Variants in TPD52 observed in about 807,000 individuals in gnomAD.
TPD52 encodes the protein prostate and colon associated protein.
TPD52 carries 17 observed loss-of-function variants against 31.3 expected under a neutral mutation model. The observed-to-expected ratio is 0.54, with a 90% CI of 0.37 to 0.82. TPD52 has a LOEUF of 0.82. Ranked by LOEUF, TPD52 falls within the 40% of genes least tolerant of loss-of-function variation. The probability of loss-of-function intolerance (pLI) is 0.00; values close to 1 mark genes in which losing one functional copy is unlikely to be tolerated. For missense variants in TPD52, 212 were observed against 240.1 expected, an observed-to-expected ratio of 0.88 and a Z score of 0.77; for synonymous variants, 83 against 89.6, an observed-to-expected ratio of 0.93 and a Z score of 0.42.
intron 1 of TPD52, among the ~76,000 whole-genome samples, chr8:80,148,545 C>T (rs535540890): frequency 6.6e-5 from 10 of 152,278 alleles, no homozygotes; most frequent in Admixed American, 5.2e-4. Flanking sequence ...CATAAAACAA[C>T]AGTTTTAAAG....
At chr8:80,132,549 T>C (rs943888759) in intron 1 of TPD52, among the ~76,000 whole-genome samples, 4 of 152,212 alleles carry the variant, frequency 2.6e-5, no homozygotes, top group Non-Finnish European at 5.9e-5. Flanking sequence ...TTAACTTTTC[T>C]ATGTTTGCAA....
chr8:80,146,395 A>G (rs1249361201), intron 1 of TPD52, among the ~76,000 whole-genome samples: 1 of 152,226 alleles, frequency 6.6e-6, no homozygotes, highest in Non-Finnish European at 1.5e-5. Context: ...TAGCAGCCCA[A>G]AGCCCATTTC....
intron 1 of TPD52, among the ~76,000 whole-genome samples, chr8:80,161,712 TTA>T (rs1319779195): frequency 4.2e-4 from 59 of 140,586 alleles, no homozygotes; most frequent in African/African-American, 1.0e-3. Context: ...AAGAACACAT[TTA>T]TATATATATA....
chr8:80,151,702 T>C (rs953748431), intron 1 of TPD52, among the ~76,000 whole-genome samples: 5 of 152,226 alleles, frequency 3.3e-5, no homozygotes, highest in African/African-American at 1.2e-4. Context: ...CAGCTTTTTT[T>C]TTCTATTGTT....
chr8:80,128,890 T>G (rs1032317113), intron 1 of TPD52, among the ~76,000 whole-genome samples: 5 of 151,946 alleles, frequency 3.3e-5, no homozygotes, highest in African/African-American at 1.2e-4. Flanking sequence ...TGGGTTTTTT[T>G]TTTCAGGAAG....
At chr8:80,163,087 CAGAATT>C (rs768153034) in intron 1 of TPD52, among the ~76,000 whole-genome samples, 79 of 152,058 alleles carry the variant, frequency 5.2e-4, no homozygotes, top group Non-Finnish European at 9.3e-4. Context: ...AAAATTAAAA[CAGAATT>C]ATCATATGAT....
intron 2 of TPD52, among the ~76,000 whole-genome samples, chr8:80,057,235 A>G (rs1811990709): frequency 6.6e-6 from 1 of 152,206 alleles, no homozygotes; most frequent in Non-Finnish European, 1.5e-5. Flanking sequence ...AATTGCTTAC[A>G]GCGGCATTAT....
At chr8:80,080,338 C>T (rs1815114783) in intron 1 of TPD52, 1 of 1,614,118 alleles carries the variant, frequency 6.2e-7, no homozygotes, top group African/African-American at 1.3e-5. Context: ...AGTAGGTGAT[C>T]CGGGTGGAGA....
chr8:80,131,572 C>T (rs536317820), intron 1 of TPD52, among the ~76,000 whole-genome samples: 9 of 152,270 alleles, frequency 5.9e-5, no homozygotes, highest in Non-Finnish European at 1.0e-4. Flanking sequence ...TGCCTGGTGG[C>T]TTTTGTAGCA....
intron 1 of TPD52, among the ~76,000 whole-genome samples, chr8:80,150,772 T>C (rs1232413576): frequency 4.6e-5 from 7 of 152,206 alleles, no homozygotes; most frequent in East Asian, 1.9e-4. Context: ...TGTACCTTCA[T>C]TGTATCTAGG....
intron 5 of TPD52, among the ~76,000 whole-genome samples, chr8:80,046,828 T>A (rs1283773107): frequency 6.6e-6 from 1 of 152,210 alleles, no homozygotes; most frequent in African/African-American, 2.4e-5. Context: ...GTCATTTTTT[T>A]AAAACAGCTG....
intron 1 of TPD52, among the ~76,000 whole-genome samples, chr8:80,131,271 A>C (rs926451080): frequency 3.3e-5 from 5 of 152,368 alleles, no homozygotes; most frequent in African/African-American, 1.2e-4. Flanking sequence ...CAGTCAGTCC[A>C]ACGATTCCAT....
intron 1 of TPD52, among the ~76,000 whole-genome samples, chr8:80,067,991 TA>T (rs1813347486): frequency 6.6e-6 from 1 of 151,928 alleles, no homozygotes; most frequent in African/African-American, 2.4e-5. Flanking sequence ...AGGTGGAAAA[TA>T]AGAACATTTA....
At chr8:80,113,198 C>G (rs2130989597) in intron 1 of TPD52, among the ~76,000 whole-genome samples, 3 of 151,526 alleles carry the variant, frequency 2.0e-5, no homozygotes, top group Admixed American at 2.0e-4. Flanking sequence ...CTACCTTGAC[C>G]ACCTATTTAA....
chr8:80,078,196 G>T (rs561553130), intron 1 of TPD52, among the ~76,000 whole-genome samples: 2 of 152,158 alleles, frequency 1.3e-5, no homozygotes, highest in Non-Finnish European at 2.9e-5. Context: ...GGAACATCCT[G>T]CCCATAGATA....
chr8:80,116,537 T>C (rs1012007585), intron 1 of TPD52, among the ~76,000 whole-genome samples: 2 of 152,182 alleles, frequency 1.3e-5, no homozygotes, highest in African/African-American at 2.4e-5. Context: ...TACTCCCAGA[T>C]GGCTTCACTG....
At chr8:80,155,970 C>T (rs1326384253) in intron 1 of TPD52, among the ~76,000 whole-genome samples, 2 of 151,800 alleles carry the variant, frequency 1.3e-5, no homozygotes, top group African/African-American at 2.4e-5. Context: ...TTGGGGGGTA[C>T]ATCATATTTA....
chr8:80,133,555 A>G (rs1809175926), intron 1 of TPD52, among the ~76,000 whole-genome samples: 2 of 152,108 alleles, frequency 1.3e-5, no homozygotes, highest in African/African-American at 4.8e-5. Context: ...AATTACAAAC[A>G]TTTTATTTCT....
chr8:80,140,950 C>CGTGTGTGTGT (rs142097159), intron 1 of TPD52, among the ~76,000 whole-genome samples: 23,069 of 143,568 alleles, frequency 0.16, 2,097 homozygotes, highest in East Asian at 0.39. Flanking sequence ...CAATACAACT[C>CGTGTGTGTGT]GTGTGTGTGT....
Sources: allele counts gnomAD v4.1 joint callset (sites outside exome capture counted in the v4.1 genomes callset), GRCh38; gene constraint gnomAD v4.1.1; transcripts MANE v1.5; gene names NCBI Gene and HGNC (gene_info 2026-07-23, HGNC 2026-07-21).